PTPDC1: variants seen among roughly 807,000 people sequenced by gnomAD.
PTPDC1 encodes protein tyrosine phosphatase domain containing 1.
Under a neutral mutation model 75.3 loss-of-function variants are expected in PTPDC1, and 53 were observed. That is an observed-to-expected ratio of 0.70 (90% CI 0.56 to 0.88). The LOEUF (loss-of-function observed/expected upper bound fraction) is 0.88, where lower values mean the gene tolerates loss of function less well. PTPDC1 is among the 40% of genes least tolerant of loss of function. The probability of loss-of-function intolerance (pLI) is 0.00; values close to 1 mark genes in which losing one functional copy is unlikely to be tolerated. For missense variants in PTPDC1, 925 were observed against 998.6 expected, an observed-to-expected ratio of 0.93 and a Z score of 0.99; for synonymous variants, 349 against 366.2, an observed-to-expected ratio of 0.95 and a Z score of 0.54.
chr9:94,103,205 T>C (rs1285852032), intron 7 of PTPDC1, among the ~76,000 whole-genome samples: 1 of 152,238 alleles, frequency 6.6e-6, no homozygotes, highest in Non-Finnish European at 1.5e-5. Context: ...GTCCTTTTCT[T>C]AGGATATTTT....
chr9:94,098,953 C>G (rs1827733291), intron 6 of PTPDC1, among the ~76,000 whole-genome samples: 1 of 152,214 alleles, frequency 6.6e-6, no homozygotes, highest in Non-Finnish European at 1.5e-5. Context: ...ACTTTGAGAA[C>G]TACTGACGTG....
At chr9:94,064,829 C>T in intron 2 of PTPDC1, 1 of 1,595,606 alleles carries the variant, frequency 6.3e-7, no homozygotes. Flanking sequence ...AAGGTAATGT[C>T]TCTTTAATAC....
chr9:94,067,022 CACTT>C (rs1364675333), intron 2 of PTPDC1, among the ~76,000 whole-genome samples: 3 of 152,148 alleles, frequency 2.0e-5, no homozygotes, highest in Non-Finnish European at 4.4e-5. Context: ...CTCAGCCACT[CACTT>C]CTCTCACTCA....
chr9:94,089,024 T>A (rs893344438), intron 4 of PTPDC1, among the ~76,000 whole-genome samples: 1 of 152,012 alleles, frequency 6.6e-6, no homozygotes, highest in Non-Finnish European at 1.5e-5. Context: ...TCTGGCTGAG[T>A]TTCTGCAGGA....
intron 2 of PTPDC1, among the ~76,000 whole-genome samples, chr9:94,079,126 G>A (rs555564899): frequency 2.6e-5 from 4 of 152,036 alleles, no homozygotes; most frequent in South Asian, 4.2e-4. Flanking sequence ...TTCCCTCCCC[G>A]GACTTGTTTT....
At chr9:94,092,640 G>T (rs1300701542) in intron 4 of PTPDC1, among the ~76,000 whole-genome samples, 2 of 151,160 alleles carry the variant, frequency 1.3e-5, no homozygotes, top group African/African-American at 4.9e-5. Flanking sequence ...GGGTATCCTT[G>T]TTGACTTTCT....
At chr9:94,093,030 CTTTATTCAA>C (rs1265895162) in intron 4 of PTPDC1, among the ~76,000 whole-genome samples, 4 of 151,860 alleles carry the variant, frequency 2.6e-5, no homozygotes, top group Non-Finnish European at 5.9e-5. Flanking sequence ...GGTCTTGACT[CTTTATTCAA>C]TTTGCCAGTC....
chr9:94,094,919 C>G (rs1310104526), intron 4 of PTPDC1, among the ~76,000 whole-genome samples: 1 of 152,240 alleles, frequency 6.6e-6, no homozygotes, highest in Non-Finnish European at 1.5e-5. Flanking sequence ...TGAGGCAGTG[C>G]CTCGCCCTGC....
intron 4 of PTPDC1, among the ~76,000 whole-genome samples, chr9:94,093,586 A>G (rs1428882998): frequency 1.3e-5 from 2 of 151,842 alleles, no homozygotes; most frequent in Non-Finnish European, 2.9e-5. Context: ...CTCGAGGAGT[A>G]TCTTTGTGGT....
At chr9:94,093,485 T>G (rs1055046999) in intron 4 of PTPDC1, among the ~76,000 whole-genome samples, 1 of 147,250 alleles carries the variant, frequency 6.8e-6, no homozygotes, top group Non-Finnish European at 1.5e-5. Context: ...CCTTTGAGGG[T>G]AACCCGACCT....
chr9:94,037,479 A>ATG (rs1210159879), intron 1 of PTPDC1, among the ~76,000 whole-genome samples: 2 of 152,066 alleles, frequency 1.3e-5, no homozygotes, highest in Non-Finnish European at 2.9e-5. Flanking sequence ...ATATATGTGT[A>ATG]TGTGTGTGTT....
At chr9:94,038,315 G>C (rs1825333164) in intron 1 of PTPDC1, 2 of 677,244 alleles carry the variant, frequency 3.0e-6, no homozygotes, top group South Asian at 1.5e-5. Context: ...AAAAATGATA[G>C]CTTATCTCAA....
intron 1 of PTPDC1, among the ~76,000 whole-genome samples, chr9:94,047,626 G>A (rs1379341780): frequency 6.6e-6 from 1 of 152,134 alleles, no homozygotes; most frequent in African/African-American, 2.4e-5. Flanking sequence ...AATGAATCCA[G>A]GAGCTGGTTT....
intron 4 of PTPDC1, among the ~76,000 whole-genome samples, chr9:94,093,948 C>T (rs2118034637): frequency 6.6e-6 from 1 of 151,902 alleles, no homozygotes; most frequent in South Asian, 2.1e-4. Flanking sequence ...CTCCTTTAAG[C>T]ACTTCTCTGT....
In PTPDC1 at chr9:94,097,744, A is replaced by C; in HGVS notation, c.1178A>C (p.His393Pro). The change falls in exon 6 of 9, where the codon CAT (histidine) becomes CCT (proline). Residue 393 changes from histidine to proline, a missense_variant. Physicochemically the swap from His to Pro is moderately conservative, Grantham distance 77. Coordinates refer to ENST00000620992, the MANE Select transcript of PTPDC1 (RefSeq NM_001253829.2). ...CAGCTGGATAAAGAGTTACTGAGGC[A>C]TGACAGTGATGTGTCCAACCCGCCT... ...TMQLDKELLRHDSDVSNPPNP... is the reference protein window; with the variant it reads ...TMQLDKELLRPDSDVSNPPNP... 6.2e-7 allele frequency: 1 copy of C among 1,614,216 alleles called. No homozygotes were observed. Among genetic ancestry groups the C allele is most frequent in the Non-Finnish European group, 8.5e-7 (1 of 1,180,042 alleles).
rs1247857315 is a variant in PTPDC1 at position 94,038,462 on chromosome 9, T to C, written c.-7+7335T>C. ...GTGAATTACTGACAGAATATTTTATTGGGCCGTCCTGATTTAAAACTGATT... is the reference window on the plus strand; with the variant it reads ...GTGAATTACTGACAGAATATTTTATCGGGCCGTCCTGATTTAAAACTGATT... On this transcript the variant is annotated intron_variant, in intron 1 of 9. Transcript: ENST00000375360. 36 of 298,614 alleles carry C rather than the reference T, an allele frequency of 1.2e-4. No individual in the cohort carries two copies. In the East Asian group the frequency reaches 2.7e-3, roughly 22 times the overall value. 18.5% of individuals were successfully genotyped at this position (298,614 alleles called of 1,614,324 possible). A position where few individuals can be genotyped will look rare whatever the true frequency, so the allele number is the denominator to read the frequency against.
At chr9:94,097,221 C>G in intron 5 of PTPDC1, 100 bp from the exon 6 acceptor site, 1 of 802,282 alleles carries the variant, frequency 1.2e-6, no homozygotes, top group Non-Finnish European at 2.0e-6. Context: ...TATATGGTTT[C>G]TTAACACATA....
At chr9:94,042,174 T>C (rs1408527223) in intron 1 of PTPDC1, among the ~76,000 whole-genome samples, 1 of 152,210 alleles carries the variant, frequency 6.6e-6, no homozygotes, top group East Asian at 1.9e-4. Flanking sequence ...AGTATACATA[T>C]ACAGCAGTAT....
At chr9:94,045,590 G>T (rs1311349513) in intron 1 of PTPDC1, among the ~76,000 whole-genome samples, 1 of 152,068 alleles carries the variant, frequency 6.6e-6, no homozygotes, top group Non-Finnish European at 1.5e-5. Context: ...TTCTCTGATG[G>T]CCAGTGATGA....
Sources: gnomAD v4.1 joint callset for allele counts (sites outside exome capture counted in the v4.1 genomes callset) on GRCh38, gnomAD v4.1.1 for gene constraint, MANE v1.5 for transcripts, NCBI Gene and HGNC (gene_info 2026-07-23, HGNC 2026-07-21) for gene names.